The following SLC14A2 variants were observed in gnomAD, a reference collection of about 807,000 sequenced individuals.
The protein encoded by SLC14A2 is solute carrier family 14 member 2.
Under a neutral mutation model 104.6 loss-of-function variants are expected in SLC14A2, and 91 were observed. The observed-to-expected ratio is 0.87, with a 90% confidence interval of 0.73 to 1.04. The LOEUF (loss-of-function observed/expected upper bound fraction) is 1.04. Ranked by LOEUF, SLC14A2 falls within the 50% of genes least tolerant of loss-of-function variation. The pLI is 0.00. For missense variants in SLC14A2, 1,189 were observed against 1,156.0 expected (o/e 1.03, Z -0.41); for synonymous variants, 476 against 466.4 (o/e 1.02, Z -0.27).
intron 2 of SLC14A2, among the ~76,000 whole-genome samples, chr18:45,572,767 T>C (rs1272653035): frequency 6.6e-6 from 1 of 152,194 alleles, no homozygotes; most frequent in Non-Finnish European, 1.5e-5. Context: ...CAAGTGTGTG[T>C]GCATTCCCCA....
the SLC14A2 span, among the ~76,000 whole-genome samples, chr18:45,177,160 ATC>A: frequency 6.6e-6 from 1 of 151,938 alleles, no homozygotes; most frequent in African/African-American, 2.4e-5. Flanking sequence ...TCTTCATAAA[ATC>A]TCTCCATTCT....
the SLC14A2 span, among the ~76,000 whole-genome samples, chr18:45,202,984 A>G: frequency 6.6e-6 from 1 of 152,174 alleles, no homozygotes; most frequent in East Asian, 1.9e-4. Flanking sequence ...AGGAAGAATC[A>G]CCGTTCCAGT....
chr18:45,585,114 C>A (rs1273542325), intron 2 of SLC14A2, among the ~76,000 whole-genome samples: 1 of 149,824 alleles, frequency 6.7e-6, no homozygotes, highest in Non-Finnish European at 1.5e-5. Context: ...ATCAGATTCC[C>A]ACACCTCACC....
At chr18:45,393,178 C>G (rs1042856636) in intron 1 of SLC14A2, among the ~76,000 whole-genome samples, 1 of 152,028 alleles carries the variant, frequency 6.6e-6, no homozygotes, top group African/African-American at 2.4e-5. Flanking sequence ...CCCAAAGGAG[C>G]TTACGTTTTA....
chr18:45,478,826 C>A (rs1014545028), intron 1 of SLC14A2, among the ~76,000 whole-genome samples: 1 of 152,072 alleles, frequency 6.6e-6, no homozygotes, highest in Non-Finnish European at 1.5e-5. Context: ...AAAGTGGAAC[C>A]TATCTTCTCT....
At chr18:45,315,480 G>A (rs2085120339) in intron 1 of SLC14A2, among the ~76,000 whole-genome samples, 1 of 152,178 alleles carries the variant, frequency 6.6e-6, no homozygotes, top group Non-Finnish European at 1.5e-5. Flanking sequence ...AGTGCTCACA[G>A]GTTAGACAGT....
upstream of SLC14A2, among the ~76,000 whole-genome samples, chr18:45,209,125 A>G (rs1232107524): frequency 1.3e-5 from 2 of 148,830 alleles, no homozygotes; most frequent in African/African-American, 5.0e-5. Context: ...TCATGAGGTC[A>G]GTAGATCGAG....
chr18:45,230,058 G>T (rs1041251735), intron 1 of SLC14A2, among the ~76,000 whole-genome samples: 1 of 152,178 alleles, frequency 6.6e-6, no homozygotes, highest in Admixed American at 6.5e-5. Flanking sequence ...CTGACATATG[G>T]TAAACACTAT....
At chr18:45,278,413 C>T (rs1329099034) in intron 1 of SLC14A2, among the ~76,000 whole-genome samples, 1 of 152,078 alleles carries the variant, frequency 6.6e-6, no homozygotes, top group Admixed American at 6.6e-5. Flanking sequence ...GTCAAATATC[C>T]CCTGGGGGTA....
intron 1 of SLC14A2, among the ~76,000 whole-genome samples, chr18:45,222,272 A>G (rs2143995875): frequency 6.6e-6 from 1 of 152,328 alleles, no homozygotes; most frequent in Non-Finnish European, 1.5e-5. Context: ...AAAAAGTATA[A>G]GTATGTTGCT....
chr18:45,395,599 C>T (rs761920681), intron 1 of SLC14A2, among the ~76,000 whole-genome samples: 17 of 151,594 alleles, frequency 1.1e-4, no homozygotes, highest in Non-Finnish European at 2.4e-4. Flanking sequence ...CTAATCCAAA[C>T]TTTTTTTTTG....
chr18:45,210,843 T>C (rs1177662168), upstream of SLC14A2, among the ~76,000 whole-genome samples: 2 of 152,216 alleles, frequency 1.3e-5, no homozygotes, highest in African/African-American at 4.8e-5. Context: ...ATATGGAATG[T>C]GTTGTTGTGC....
chr18:45,252,792 C>A (rs1007802132), intron 1 of SLC14A2, among the ~76,000 whole-genome samples: 2 of 126,960 alleles, frequency 1.6e-5, no homozygotes, highest in South Asian at 2.6e-4. Flanking sequence ...GCAATATTGA[C>A]TTTTTTTTTT....
At chr18:45,274,327 A>G (rs2084680337) in intron 1 of SLC14A2, among the ~76,000 whole-genome samples, 1 of 152,232 alleles carries the variant, frequency 6.6e-6, no homozygotes, top group Admixed American at 6.5e-5. Flanking sequence ...ACTTGCTTAA[A>G]TAGCAAAATC....
intron 1 of SLC14A2, among the ~76,000 whole-genome samples, chr18:45,300,147 C>G (rs2084954150): frequency 6.6e-6 from 1 of 152,142 alleles, no homozygotes. Context: ...ACAAGACTGA[C>G]CATCCTGTCT....
rs932262799 is a variant in SLC14A2 at position 45,639,991 on chromosome 18, C to T, written c.991+98C>T. The T allele has an allele frequency of 1.3e-5, 16 of 1,192,482 alleles. No individual in the cohort carries two copies. In the African/African-American group the frequency reaches 1.7e-4, roughly 12 times the overall value. 73.9% of individuals were successfully genotyped at this position (1,192,482 alleles called of 1,614,324 possible). A position where few individuals can be genotyped will look rare whatever the true frequency, so the allele number is the denominator to read the frequency against. ...AATCTTCCAGACATTCTCTTCCCTG[C>T]AGTTTTAAATACTTTCAGGGAGACA... On this transcript the variant is annotated intron_variant, in intron 7 of 19. Transcript: ENST00000255226.
In SLC14A2 at chr18:45,590,845, A is replaced by T. The variant is rs530443349; in HGVS notation, c.-34-33786A>T. On this transcript the variant is annotated intron_variant, in intron 2 of 20. Transcript: ENST00000586448. ...TTCTAAGGCACTGCTCTAGACATGG[A>T]TTAAATCACTTCATCCTAACAACCC... is the stretch of plus-strand genomic sequence containing the variant. Among the ~76,000 whole-genome samples the T allele has an allele frequency of 7.9e-5, 12 of 152,362 alleles. No homozygotes were observed. In the East Asian group the frequency reaches 2.3e-3, roughly 29 times the overall value.
intron 10 of SLC14A2, among the ~76,000 whole-genome samples, chr18:45,653,070 C>A (rs1202468790): frequency 6.6e-6 from 1 of 151,972 alleles, no homozygotes; most frequent in Non-Finnish European, 1.5e-5. Context: ...GGCAAGAGAA[C>A]AAGGGACAGC....
upstream of SLC14A2, among the ~76,000 whole-genome samples, chr18:45,212,498 A>G (rs949786107): frequency 3.9e-5 from 6 of 152,196 alleles, no homozygotes; most frequent in African/African-American, 9.7e-5. Flanking sequence ...GAGAAAGCAC[A>G]TGAAAAGGTC....
Sources: gnomAD v4.1 joint callset for allele counts (sites outside exome capture counted in the v4.1 genomes callset) on GRCh38, gnomAD v4.1.1 for gene constraint, MANE v1.5 for transcripts, NCBI Gene and HGNC (gene_info 2026-07-23, HGNC 2026-07-21) for gene names.